TMEM268: variants seen among roughly 807,000 people sequenced by gnomAD.
The protein encoded by TMEM268 is transmembrane protein 268.
TMEM268 carries 24 observed loss-of-function variants against 39.1 expected under a neutral mutation model. The observed-to-expected ratio is 0.61, with a 90% CI of 0.44 to 0.86. The LOEUF (loss-of-function observed/expected upper bound fraction) is 0.86. Ranked by LOEUF, TMEM268 falls within the 40% of genes least tolerant of loss-of-function variation. TMEM268 has a pLI of 0.00. For synonymous variants in TMEM268, 176 were observed against 173.5 expected (o/e 1.01, Z -0.12); for missense variants, 409 against 428.6 (o/e 0.95, Z 0.40).
Position 114,617,295 on chromosome 9 carries a change from G to A in TMEM268, c.100G>A (p.Gly34Arg), listed in dbSNP as rs755052752. ...ALPGGSPPGW[G>R]QELHNGQVLT... ...GCCTGGAGGGAGCCCTCCTGGCTGG[G>A]GGCAAGGTAAGATCATGACCTTTCA... Residue 34 changes from glycine (G) to arginine (R), a missense_variant, in exon 2 of 9, where the codon GGG (glycine) becomes AGG (arginine). Physicochemically the swap from Gly to Arg is moderately radical, Grantham distance 125. Coordinates refer to ENST00000288502, the MANE Select transcript of TMEM268 (RefSeq NM_153045.4). The A allele has an allele frequency of 1.2e-6, 2 of 1,611,952 alleles. No homozygotes were observed. Among genetic ancestry groups the A allele is most frequent in the Admixed American group, 3.3e-5 (2 of 59,916 alleles).
chr9:114,634,197 G>T (rs981573239), intron 6 of TMEM268, among the ~76,000 whole-genome samples: 4 of 152,188 alleles, frequency 2.6e-5, no homozygotes, highest in African/African-American at 9.7e-5. Flanking sequence ...TTGGACACTG[G>T]CGACATTGAG....
chr9:114,631,151 A>C (rs1308943893), intron 5 of TMEM268, among the ~76,000 whole-genome samples: 1 of 152,054 alleles, frequency 6.6e-6, no homozygotes, highest in African/African-American at 2.4e-5. Context: ...CTGTCTCTAC[A>C]AAAAATAAAA....
rs757830141 is a variant in TMEM268 at position 114,633,782 on chromosome 9, G to A, written c.489G>A (p.Thr163=). The A allele has an allele frequency of 1.2e-5, 19 of 1,594,748 alleles. No homozygotes were observed. The highest frequency in any genetic ancestry group is 3.4e-5 in the South Asian group (3 of 87,862). ...ERHQKKANTN[T]DLRLAAANGA... is the part of the protein sequence containing the mutation. ...TTGTCTTACAGGCCAACACCAACAC[G>A]GACCTGAGGCTGGCAGCTGCCAATG... Residue 163 remains threonine (T), a synonymous_variant, in exon 6 of 9, where the codon ACG becomes ACA. Coordinates refer to ENST00000288502, the MANE Select transcript of TMEM268 (RefSeq NM_153045.4).
At chr9:114,627,108 T>C in intron 4 of TMEM268, 102 bp downstream of exon 4, 1 of 792,218 alleles carries the variant, frequency 1.3e-6, no homozygotes, top group South Asian at 1.6e-5. Flanking sequence ...GTCAGGGGCT[T>C]GGGGGCTGTT....
upstream of TMEM268, among the ~76,000 whole-genome samples, chr9:114,606,425 A>G (rs988555254): frequency 1.3e-5 from 2 of 152,180 alleles, no homozygotes; most frequent in Non-Finnish European, 2.9e-5. Context: ...TACCTCTCCC[A>G]TAGTGGAGTC....
At position 114,611,472 on chromosome 9, in the gene TMEM268, T is replaced by TGCGGTGCC. The variant is rs1788878553; in HGVS notation, c.-170_-163dup. On this transcript the variant is annotated 5_prime_UTR_variant, in exon 1 of 9. Transcript: ENST00000288502. ...GCGGGAGGCGTGCTGGGCGCGGGGC[T>TGCGGTGCC]GCGGTGCCCAGAGGCTGCGGCATTA... The TGCGGTGCC allele has an allele frequency of 3.3e-5, 5 of 151,612 alleles. No homozygotes were observed. In the South Asian group the frequency reaches 8.8e-4, roughly 27 times the overall value. 9.4% of individuals were successfully genotyped at this position (151,612 alleles called of 1,614,324 possible). A position where few individuals can be genotyped will look rare whatever the true frequency, so the allele number is the denominator to read the frequency against.
At chr9:114,622,603 C>A in intron 2 of TMEM268, 1 of 713,360 alleles carries the variant, frequency 1.4e-6, no homozygotes, top group Non-Finnish European at 1.7e-6. Flanking sequence ...TCATCCTACC[C>A]TTGGAGGGCG....
intron 8 of TMEM268, 25 bp downstream of exon 8, chr9:114,638,751 G>A (rs116296910): frequency 0.041 from 61,514 of 1,507,918 alleles, 1,623 homozygotes; most frequent in Middle Eastern, 0.11. Flanking sequence ...GGCTTGTTGG[G>A]GCCATCTTCC....
At chr9:114,614,250 C>A (rs1000358830) in intron 1 of TMEM268, among the ~76,000 whole-genome samples, 1 of 152,328 alleles carries the variant, frequency 6.6e-6, no homozygotes, top group Non-Finnish European at 1.5e-5. Context: ...CAGTGCAGGG[C>A]AGATACATGA....
chr9:114,620,595 A>C (rs984537121), intron 2 of TMEM268, among the ~76,000 whole-genome samples: 1 of 152,140 alleles, frequency 6.6e-6, no homozygotes, highest in Admixed American at 6.5e-5. Context: ...AATATGGAAC[A>C]AGGTGTGGGA....
the TMEM268 span, among the ~76,000 whole-genome samples, chr9:114,604,540 C>T: frequency 4.1e-5 from 6 of 144,700 alleles, no homozygotes; most frequent in African/African-American, 1.0e-4. Context: ...AGATCGAGAT[C>T]GCACCACTGC....
chr9:114,632,280 C>T (rs553889315), intron 5 of TMEM268, among the ~76,000 whole-genome samples: 3 of 152,226 alleles, frequency 2.0e-5, no homozygotes, highest in African/African-American at 7.2e-5. Flanking sequence ...ACATGTCTTT[C>T]AGTGGAAGGC....
At chr9:114,642,383 C>A (rs1425519132) in intron 8 of TMEM268, among the ~76,000 whole-genome samples, 1 of 151,764 alleles carries the variant, frequency 6.6e-6, no homozygotes, top group Non-Finnish European at 1.5e-5. Context: ...TGTCAGTGAT[C>A]ATATTTAAAT....
intron 3 of TMEM268, among the ~76,000 whole-genome samples, chr9:114,624,984 A>C (rs1174713879): frequency 6.6e-6 from 1 of 152,212 alleles, no homozygotes; most frequent in South Asian, 2.1e-4. Flanking sequence ...TATACAAGGG[A>C]AAGTCCATAT....
chr9:114,646,296 AG>A lies in TMEM268; in HGVS notation c.*2985del, dbSNP rs1443679194. On this transcript the variant is annotated 3_prime_UTR_variant, in exon 9 of 9. Transcript: ENST00000288502. ...TCATTGAGTCTCATTCCTCATCTAT[AG>A]GATGGGAATAAGAGCATGTACCTGG... 1 of 152,238 alleles carries A rather than the reference AG, an allele frequency of 6.6e-6. No individual in the cohort carries two copies. Among genetic ancestry groups the A allele is most frequent in the Non-Finnish European group, 1.5e-5 (1 of 68,048 alleles). The allele number at this position is 152,238 out of a possible 1,614,324, so 9.4% of individuals were successfully genotyped here.
chr9:114,634,734 A>G (rs1021701463), intron 6 of TMEM268, among the ~76,000 whole-genome samples: 1 of 152,122 alleles, frequency 6.6e-6, no homozygotes, highest in Non-Finnish European at 1.5e-5. Context: ...TCCTCCACGA[A>G]TGTTTATTGA....
intron 5 of TMEM268, among the ~76,000 whole-genome samples, chr9:114,633,500 A>G (rs1363538475): frequency 6.6e-6 from 1 of 152,032 alleles, no homozygotes; most frequent in Non-Finnish European, 1.5e-5. Context: ...TAGAGACGGC[A>G]TCTCGCTACA....
At chr9:114,632,001 T>G (rs1347039785) in intron 5 of TMEM268, among the ~76,000 whole-genome samples, 1 of 149,958 alleles carries the variant, frequency 6.7e-6, no homozygotes, top group Non-Finnish European at 1.5e-5. Context: ...CTTGGGAGGC[T>G]GAGGTAGGAA....
chr9:114,641,006 G>A (rs1272432266), intron 8 of TMEM268, among the ~76,000 whole-genome samples: 2 of 151,996 alleles, frequency 1.3e-5, no homozygotes, highest in African/African-American at 4.8e-5. Context: ...CTCCCAAGTA[G>A]CTAGGATTAC....
Sources: gnomAD v4.1 joint callset for allele counts (sites outside exome capture counted in the v4.1 genomes callset) on GRCh38, gnomAD v4.1.1 for gene constraint, MANE v1.5 for transcripts, NCBI Gene and HGNC (gene_info 2026-07-23, HGNC 2026-07-21) for gene names.